ANKS1B: variants seen among roughly 807,000 people sequenced by gnomAD.
ANKS1B encodes ankyrin repeat and sterile alpha motif domain-containing protein 1B.
Under a neutral mutation model 148.3 loss-of-function variants are expected in ANKS1B, and 36 were observed. The observed-to-expected ratio is 0.24, with a 90% confidence interval of 0.19 to 0.32. ANKS1B has a LOEUF of 0.32. Among genes scored for constraint, ANKS1B ranks in the 10% least tolerant of loss-of-function variants. The probability of loss-of-function intolerance (pLI) is 1.00; values close to 1 mark genes in which losing one functional copy is unlikely to be tolerated. For synonymous variants in ANKS1B, 542 were observed against 560.8 expected, an observed-to-expected ratio of 0.97 and a Z score of 0.47; for missense variants, 1,157 against 1,542.6, an observed-to-expected ratio of 0.75 and a Z score of 4.19.
At chr12:99,345,670 G>C (rs2152352123) in intron 12 of ANKS1B, among the ~76,000 whole-genome samples, 1 of 151,912 alleles carries the variant, frequency 6.6e-6, no homozygotes, top group South Asian at 2.1e-4. Context: ...TAGTGTCTGT[G>C]GGTTCCTATG....
chr12:99,430,955 G>C (rs1305245222), intron 11 of ANKS1B, among the ~76,000 whole-genome samples: 1 of 152,126 alleles, frequency 6.6e-6, no homozygotes, highest in Non-Finnish European at 1.5e-5. Flanking sequence ...TTCTGAATCT[G>C]GGAGAGAAAG....
At chr12:99,339,871 C>G (rs1019373192) in intron 12 of ANKS1B, among the ~76,000 whole-genome samples, 1 of 152,122 alleles carries the variant, frequency 6.6e-6, no homozygotes, top group South Asian at 2.1e-4. Context: ...GACTCTGCGT[C>G]AGACCATAGT....
intron 11 of ANKS1B, among the ~76,000 whole-genome samples, chr12:99,412,068 ACTTTT>A (rs2094727423): frequency 1.3e-5 from 2 of 151,584 alleles, no homozygotes; most frequent in East Asian, 3.9e-4. Context: ...AATTTTAAAA[ACTTTT>A]CTTTTTTTTC....
intron 14 of ANKS1B, among the ~76,000 whole-genome samples, chr12:99,155,323 TC>T: frequency 6.6e-6 from 1 of 152,180 alleles, no homozygotes; most frequent in East Asian, 1.9e-4. Flanking sequence ...AATAAGCCTC[TC>T]CGAGATATAT....
intron 9 of ANKS1B, among the ~76,000 whole-genome samples, chr12:99,590,290 A>G (rs2097689763): frequency 6.7e-6 from 1 of 150,262 alleles, no homozygotes; most frequent in South Asian, 2.1e-4. Flanking sequence ...ACACACACAC[A>G]CGCTTATTTA....
chr12:99,910,658 A>G (rs2093975602), intron 1 of ANKS1B, among the ~76,000 whole-genome samples: 1 of 152,226 alleles, frequency 6.6e-6, no homozygotes, highest in African/African-American at 2.4e-5. Context: ...CTGTTAATAT[A>G]TTAAAAACCA....
At chr12:99,461,937 T>C (rs1335121520) in intron 10 of ANKS1B, among the ~76,000 whole-genome samples, 1 of 152,208 alleles carries the variant, frequency 6.6e-6, no homozygotes, top group East Asian at 1.9e-4. Context: ...ACATCTATTG[T>C]TTAATCCCAT....
At chr12:98,951,345 G>A (rs1475563539) in intron 17 of ANKS1B, among the ~76,000 whole-genome samples, 1 of 152,174 alleles carries the variant, frequency 6.6e-6, no homozygotes, top group Non-Finnish European at 1.5e-5. Context: ...GAATATGCCT[G>A]TGACAGTTTT....
At chr12:99,360,821 C>T (rs10745851) in intron 12 of ANKS1B, among the ~76,000 whole-genome samples, 48,451 of 151,948 alleles carry the variant, frequency 0.32, 9,230 homozygotes, top group African/African-American at 0.53. Flanking sequence ...TTGCGGTTTA[C>T]TGGAGATCAT....
At chr12:98,738,851 A>C (rs2097785372) in intron 9 of ANKS1B, among the ~76,000 whole-genome samples, 1 of 152,144 alleles carries the variant, frequency 6.6e-6, no homozygotes, top group African/African-American at 2.4e-5. Flanking sequence ...ATTCACCTTC[A>C]ATTAGCAGTG....
intron 9 of ANKS1B, among the ~76,000 whole-genome samples, chr12:99,521,375 C>T (rs1374798531): frequency 6.6e-6 from 1 of 152,094 alleles, no homozygotes; most frequent in African/African-American, 2.4e-5. Flanking sequence ...TCTGTTTCTC[C>T]AGGATTAGTC....
At chr12:99,860,575 G>A (rs1315436289) in intron 1 of ANKS1B, among the ~76,000 whole-genome samples, 1 of 152,184 alleles carries the variant, frequency 6.6e-6, no homozygotes. Flanking sequence ...CATGGAGGAT[G>A]GGTTCAAAGT....
At chr12:98,873,380 T>G (rs763392868) in intron 17 of ANKS1B, among the ~76,000 whole-genome samples, 1 of 152,208 alleles carries the variant, frequency 6.6e-6, no homozygotes, top group Non-Finnish European at 1.5e-5. Context: ...AATAAAATGA[T>G]CTCCATTCCT....
At chr12:99,897,095 CA>C (rs199927376) in intron 1 of ANKS1B, among the ~76,000 whole-genome samples, 17 of 150,192 alleles carry the variant, frequency 1.1e-4, no homozygotes, top group African/African-American at 3.6e-4. Flanking sequence ...TGAGATAGCA[CA>C]AAAAAAAGAT....
At chr12:99,763,520 G>C (rs2062358462) in intron 8 of ANKS1B, among the ~76,000 whole-genome samples, 1 of 152,076 alleles carries the variant, frequency 6.6e-6, no homozygotes, top group African/African-American at 2.4e-5. Context: ...AGCACGGGAG[G>C]AGAGTAAGGA....
chr12:98,782,940 T>A (rs2098751831), intron 22 of ANKS1B, among the ~76,000 whole-genome samples: 1 of 152,154 alleles, frequency 6.6e-6, no homozygotes, highest in Non-Finnish European at 1.5e-5. Flanking sequence ...CTAGAAGAAA[T>A]CATGTGCAAT....
rs552623909 is a variant in ANKS1B at position 99,118,797 on chromosome 12, T to C, written c.2527-33774A>G. Among the ~76,000 whole-genome samples, 22 of 152,338 alleles carry C rather than the reference T, an allele frequency of 1.4e-4. No individual in the cohort carries two copies. The South Asian group carries it at 4.6e-3, about 32-fold the overall frequency. On this transcript the variant is annotated intron_variant, in intron 15 of 26. Transcript: ENST00000683438. ...TTAACAATACAAGATCAGCCATTTT[T>C]GACAAATATTTGATTTGAAATTCAC...
At chr12:99,550,075 C>A (rs2097204479) in intron 9 of ANKS1B, among the ~76,000 whole-genome samples, 1 of 152,122 alleles carries the variant, frequency 6.6e-6, no homozygotes, top group African/African-American at 2.4e-5. Context: ...GCCAGCAACT[C>A]TCTCTCTCTT....
rs376300362 is a variant in ANKS1B, at chr12:99,956,409, G to T, written c.134+27695C>A. ...AGGCAAAGTGGTACATCATGTAAAT[G>T]AGAGCCTCATTATTCTACTACATCT... On this transcript the variant is annotated intron_variant, in intron 1 of 26. Transcript: ENST00000683438. Among the ~76,000 whole-genome samples the T allele has an allele frequency of 1.2e-4, 18 of 152,182 alleles. 1 individual carries two copies. Among genetic ancestry groups the T allele is most frequent in the Admixed American group, 7.8e-4 (12 of 15,290 alleles).
Sources: gnomAD v4.1 joint callset for allele counts (sites outside exome capture counted in the v4.1 genomes callset) on GRCh38, gnomAD v4.1.1 for gene constraint, MANE v1.5 for transcripts, NCBI Gene and HGNC (gene_info 2026-07-23, HGNC 2026-07-21) for gene names.